CHD2: variants seen among roughly 807,000 people sequenced by gnomAD.
CHD2 encodes ATP-dependent chromatin remodeler CHD2.
Under a neutral mutation model 243.9 loss-of-function variants are expected in CHD2, and 28 were observed. The observed-to-expected ratio is 0.11, with a 90% confidence interval of 0.09 to 0.16. The LOEUF (loss-of-function observed/expected upper bound fraction) is 0.16, where lower values mean the gene tolerates loss of function less well. Among genes scored for constraint, CHD2 ranks in the 10% least tolerant of loss-of-function variants. The pLI, the probability that CHD2 is intolerant of heterozygous loss-of-function variation, is 1.00. For synonymous variants in CHD2, 775 were observed against 779.0 expected (o/e 0.99, Z 0.09); for missense variants, 1,386 against 2,209.8 (o/e 0.63, Z 7.47).
At chr15:92,903,269 A>C (rs961789182) in intron 2 of CHD2, among the ~76,000 whole-genome samples, 1 of 152,228 alleles carries the variant, frequency 6.6e-6, no homozygotes. Flanking sequence ...TGTAATTAGT[A>C]CTTGGTTCCT....
chr15:93,009,103 T>C, intron 34 of CHD2, 42 bp from the exon 35 acceptor site: 1 of 1,599,336 alleles, frequency 6.3e-7, no homozygotes, highest in East Asian at 2.2e-5. Flanking sequence ...AGACTTACTT[T>C]CTGCAGATTG....
Position 93,024,466 on chromosome 15 carries a change from G to T in CHD2, c.5248G>T (p.Ala1750Ser), listed in dbSNP as rs753595749. The T allele has an allele frequency of 1.2e-6, 2 of 1,614,154 alleles. No homozygotes were observed. The highest frequency in any genetic ancestry group is 2.7e-5 in the African/African-American group (2 of 75,020). ...DFRRMSDHRP[A>S]MGYHGQGPSD... ...CCGACGAATGTCTGATCACCGCCCC[G>T]CTATGGGCTACCATGGCCAGGGACC... The change falls in exon 39 of 39, where the codon GCT becomes TCT. Residue 1750 changes from alanine (A) to serine (S), a missense_variant. By Grantham distance (99) the Ala-to-Ser change is moderately conservative. This residue lies in a region of CHD2 where 347 missense variants were observed against 341.6 expected (regional missense o/e 1.02). Coordinates refer to ENST00000394196, the MANE Select transcript of CHD2 (RefSeq NM_001271.4).
chr15:93,001,200 C>T (rs759306390), intron 32 of CHD2, among the ~76,000 whole-genome samples: 27 of 152,226 alleles, frequency 1.8e-4, no homozygotes, highest in Non-Finnish European at 3.4e-4. Flanking sequence ...GCGATTGACA[C>T]GTAGCCTCAT....
intron 13 of CHD2, among the ~76,000 whole-genome samples, chr15:92,951,062 A>G (rs1198612594): frequency 6.6e-6 from 1 of 152,176 alleles, no homozygotes; most frequent in African/African-American, 2.4e-5. Context: ...ATTGTGATCT[A>G]ATCCTCTCAT....
chr15:92,935,365 A>G (rs1370995261), intron 5 of CHD2, among the ~76,000 whole-genome samples: 8 of 152,214 alleles, frequency 5.3e-5, no homozygotes, highest in East Asian at 3.9e-4. Context: ...GGGAGATTCT[A>G]AGTCCTCCTG....
intron 37 of CHD2, among the ~76,000 whole-genome samples, chr15:93,019,648 A>T (rs1040288507): frequency 6.6e-6 from 1 of 152,174 alleles, no homozygotes; most frequent in Non-Finnish European, 1.5e-5. Context: ...AAAATAAAAA[A>T]TAAGGCTGGG....
intron 17 of CHD2, among the ~76,000 whole-genome samples, chr15:92,968,961 C>T (rs2053803518): frequency 6.6e-6 from 1 of 152,242 alleles, no homozygotes; most frequent in South Asian, 2.1e-4. Context: ...CCATCTTGTA[C>T]ATTTCCTGCC....
intron 2 of CHD2, among the ~76,000 whole-genome samples, chr15:92,918,863 A>G (rs1162283378): frequency 6.8e-6 from 1 of 147,386 alleles, no homozygotes; most frequent in African/African-American, 2.7e-5. Flanking sequence ...ATACATATAT[A>G]TATATATTTT....
chr15:93,019,194 G>A (rs904361989), intron 37 of CHD2, among the ~76,000 whole-genome samples: 2 of 152,154 alleles, frequency 1.3e-5, no homozygotes, highest in African/African-American at 2.4e-5. Context: ...TAATAGAATC[G>A]GTGAGTGTAG....
intron 37 of CHD2, 65 bp downstream of exon 37, chr15:93,014,974 A>G: frequency 3.7e-6 from 5 of 1,343,878 alleles, no homozygotes; most frequent in Non-Finnish European, 4.3e-6. Flanking sequence ...CAGCCGTTTC[A>G]TTTTCCAAAG....
At chr15:92,973,162 A>T (rs1031832266) in intron 19 of CHD2, among the ~76,000 whole-genome samples, 6 of 152,162 alleles carry the variant, frequency 3.9e-5, no homozygotes, top group Admixed American at 3.3e-4. Context: ...ACATAGCAGA[A>T]CACTGCTACT....
intron 22 of CHD2, 31 bp downstream of exon 22, chr15:92,979,314 G>C: frequency 6.2e-7 from 1 of 1,607,478 alleles, no homozygotes; most frequent in Non-Finnish European, 8.5e-7. Context: ...GAGGTAGGCA[G>C]AATCAAATTG....
At chr15:92,970,470 G>A (rs1310168457) in intron 17 of CHD2, among the ~76,000 whole-genome samples, 1 of 151,924 alleles carries the variant, frequency 6.6e-6, no homozygotes, top group Non-Finnish European at 1.5e-5. Context: ...CAAAGTGCTG[G>A]GATTAACAGG....
intron 25 of CHD2, among the ~76,000 whole-genome samples, chr15:92,985,289 T>C (rs1406623161): frequency 6.6e-6 from 1 of 152,232 alleles, no homozygotes; most frequent in Non-Finnish European, 1.5e-5. Flanking sequence ...AGTTCACTTA[T>C]CGTTATATTA....
In CHD2 at chr15:92,997,211, G is replaced by A. The variant is rs1301789438; in HGVS notation, c.3735-42G>A. 1.2e-6 allele frequency: 2 copies of A among 1,611,064 alleles called. No individual in the cohort carries two copies. The highest frequency in any genetic ancestry group is 2.2e-5 in the East Asian group (1 of 44,808). On this transcript the variant is annotated intron_variant, in intron 29 of 38. Transcript: ENST00000394196. The surrounding 1 kb of genome is among the most constrained non-coding windows in gnomAD (Gnocchi z 4.1). ...TGTCTCTTCTTTAACATACCAAAAA[G>A]GCCCCTCTTCTAATGTCTTCCTGTT...
chr15:93,001,035 AT>A (rs2054248803), intron 32 of CHD2, among the ~76,000 whole-genome samples: 1 of 151,858 alleles, frequency 6.6e-6, no homozygotes, highest in Non-Finnish European at 1.5e-5. Context: ...CGCCAGGCTC[AT>A]TTTTGTATTG....
chr15:92,962,325 T>G (rs1354278674), intron 16 of CHD2, among the ~76,000 whole-genome samples: 1 of 152,142 alleles, frequency 6.6e-6, no homozygotes, highest in African/African-American at 2.4e-5. Flanking sequence ...GTATGTTTAC[T>G]TCTATGCACT....
chr15:93,012,125 G>A (rs2054401411), intron 35 of CHD2, among the ~76,000 whole-genome samples: 1 of 152,076 alleles, frequency 6.6e-6, no homozygotes, highest in African/African-American at 2.4e-5. Context: ...AATTGATTTT[G>A]TTTCCCTTAA....
intron 31 of CHD2, among the ~76,000 whole-genome samples, chr15:92,999,691 A>C (rs967514070): frequency 6.6e-6 from 1 of 152,156 alleles, no homozygotes; most frequent in Non-Finnish European, 1.5e-5. Context: ...CTCATTCTTC[A>C]TATAATATGT....
Sources: allele counts gnomAD v4.1 joint callset (sites outside exome capture counted in the v4.1 genomes callset), GRCh38; gene constraint gnomAD v4.1.1; regional missense constraint gnomAD v4.1.1; non-coding constraint Gnocchi (gnomAD v3.1); transcripts MANE v1.5; gene names NCBI Gene and HGNC (gene_info 2026-07-23, HGNC 2026-07-21).